The following GNPTAB variants were observed in gnomAD, a reference collection of about 807,000 sequenced individuals.
GNPTAB encodes N-acetylglucosamine-1-phosphate transferase subunits alpha and beta, also known as N-acetylglucosamine-1-phosphotransferase subunits alpha/beta.
Under a neutral mutation model 136.6 loss-of-function variants are expected in GNPTAB, and 92 were observed. The ratio of observed to expected loss-of-function variants is 0.67; its 90% CI spans 0.57 to 0.80. The LOEUF is 0.80. GNPTAB is among the 30% of genes least tolerant of loss of function. The pLI is 0.00. For synonymous variants in GNPTAB, 512 were observed against 535.1 expected (o/e 0.96, Z 0.60); for missense variants, 1,343 against 1,501.8 (o/e 0.89, Z 1.75).
intron 1 of GNPTAB, among the ~76,000 whole-genome samples, chr12:101,827,689 G>A (rs1342796166): frequency 6.6e-6 from 1 of 152,188 alleles, no homozygotes; most frequent in Non-Finnish European, 1.5e-5. Context: ...TGAGGGCCAG[G>A]CACAGTGGCT....
In GNPTAB at chr12:101,746,480, G is replaced by GA. The variant is rs1449292451; in HGVS notation, c.*683dup. 2 of 152,308 alleles carry GA rather than the reference G, an allele frequency of 1.3e-5. No homozygotes were observed. Among genetic ancestry groups the GA allele is most frequent in the Non-Finnish European group, 2.9e-5 (2 of 68,152 alleles). The allele number at this position is 152,308 out of a possible 1,614,324, so 9.4% of individuals were successfully genotyped here. A position where few individuals can be genotyped will look rare whatever the true frequency, so the allele number is the denominator to read the frequency against. ...GCCCTTTGAAATTAGACCTGCACGTGAAATCATAGCATTCTTAGGGGCTGA... is the reference window on the plus strand; with the variant it reads ...GCCCTTTGAAATTAGACCTGCACGTGAAAATCATAGCATTCTTAGGGGCTGA... On this transcript the variant is annotated 3_prime_UTR_variant, in exon 21 of 21. Transcript: ENST00000299314.
intron 1 of GNPTAB, among the ~76,000 whole-genome samples, chr12:101,828,266 G>C (rs1431049193): frequency 6.6e-6 from 1 of 152,094 alleles, no homozygotes; most frequent in Non-Finnish European, 1.5e-5. Flanking sequence ...AGGTAATCTG[G>C]CCTCCATTTC....
intron 4 of GNPTAB, 74 bp from the exon 5 acceptor site, chr12:101,786,291 C>G (rs1048279580): frequency 8.2e-7 from 1 of 1,218,678 alleles, no homozygotes; most frequent in African/African-American, 1.5e-5. Flanking sequence ...TGTCATACTA[C>G]TAAATTTTTC....
chr12:101,753,064 C>T (rs1952843471), intron 19 of GNPTAB, among the ~76,000 whole-genome samples: 1 of 151,996 alleles, frequency 6.6e-6, no homozygotes, highest in Non-Finnish European at 1.5e-5. Flanking sequence ...ACCAGCCTGG[C>T]TAACATGGTG....
chr12:101,785,410 G>T (rs1369582728), intron 5 of GNPTAB, among the ~76,000 whole-genome samples: 1 of 152,134 alleles, frequency 6.6e-6, no homozygotes, highest in Non-Finnish European at 1.5e-5. Context: ...GGTAGAGACA[G>T]GTTCCCACTA....
Position 101,745,949 on chromosome 12 carries a change from T to C in GNPTAB, c.*1215A>G, listed in dbSNP as rs1422765817. On this transcript the variant is annotated 3_prime_UTR_variant, in exon 21 of 21. Coordinates refer to ENST00000299314, the MANE Select transcript of GNPTAB (RefSeq NM_024312.5). The stretch of plus-strand genomic sequence containing the variant: ...ACTCAGAAGGCTGAGACAGAACTGC[T>C]TGAACCCGGGAGGCGGAGGTTGCAG... 1.3e-5 allele frequency: 2 copies of C among 152,326 alleles called. No homozygotes were observed. Among genetic ancestry groups the C allele is most frequent in the African/African-American group, 4.8e-5 (2 of 41,440 alleles). 9.4% of individuals were successfully genotyped at this position (152,326 alleles called of 1,614,324 possible). A position where few individuals can be genotyped will look rare whatever the true frequency, so the allele number is the denominator to read the frequency against.
At chr12:101,757,539 A>C in intron 17 of GNPTAB, 33 bp downstream of exon 17, 1 of 1,036,364 alleles carries the variant, frequency 9.6e-7, no homozygotes. Context: ...TTACTCTTAT[A>C]CTAAACAAAG....
Position 101,770,678 on chromosome 12 carries a change from G to A in GNPTAB, c.934-93C>T, listed in dbSNP as rs1291023891. The A allele has an allele frequency of 4.4e-6, 4 of 908,370 alleles. No homozygotes were observed. In the African/African-American group the frequency reaches 6.6e-5, roughly 15 times the overall value. 56.3% of individuals were successfully genotyped at this position (908,370 alleles called of 1,614,324 possible). A position where few individuals can be genotyped will look rare whatever the true frequency, so the allele number is the denominator to read the frequency against. On this transcript the variant is annotated intron_variant, in intron 8 of 20. Transcript: ENST00000299314. ...TTTCCTTCTGCCCGTCTGCTCTCAA[G>A]GTGCTCTGGCAGACTTTTAAAGATG...
chr12:101,824,432 A>ATATATATATATTT (rs1188582277), intron 1 of GNPTAB, among the ~76,000 whole-genome samples: 7 of 50,864 alleles, frequency 1.4e-4, no homozygotes, highest in South Asian at 6.7e-4. Flanking sequence ...ATATATATAT[A>ATATATATATATTT]TTTTCTTTTT....
chr12:101,808,142 T>C (rs368975853), intron 1 of GNPTAB, among the ~76,000 whole-genome samples: 1 of 152,212 alleles, frequency 6.6e-6, no homozygotes, highest in African/African-American at 2.4e-5. Context: ...TGAAATTCCA[T>C]GTTCACAGAC....
chr12:101,779,937 C>A (rs943295622), intron 7 of GNPTAB: 6 of 587,416 alleles, frequency 1.0e-5, no homozygotes, highest in South Asian at 1.0e-4. Flanking sequence ...ACAAATGAGT[C>A]CTTCTCTATC....
chr12:101,761,877 G>A (rs1953003191), intron 13 of GNPTAB, 114 bp from the exon 14 acceptor site: 1 of 804,684 alleles, frequency 1.2e-6, no homozygotes, highest in South Asian at 1.4e-5. Context: ...TTCATTAGGA[G>A]CAAATGAAAT....
chr12:101,830,728 C>A lies in GNPTAB; in HGVS notation c.-53G>T, dbSNP rs1311721261. On this transcript the variant is annotated 5_prime_UTR_variant, in exon 1 of 21. Coordinates refer to ENST00000299314, the MANE Select transcript of GNPTAB (RefSeq NM_024312.5). Reference sequence around the variant, plus strand: ...GAGGAGCCTGAGCCGCCGCCGCCGCCGCCGCCGCCTCAGCGAGCCGCCATT... The same window carrying A: ...GAGGAGCCTGAGCCGCCGCCGCCGCAGCCGCCGCCTCAGCGAGCCGCCATT... 8 of 1,151,364 alleles carry A rather than the reference C, an allele frequency of 6.9e-6. No individual in the cohort carries two copies. Among genetic ancestry groups the A allele is most frequent in the South Asian group, 1.3e-5 (1 of 77,290 alleles). 71.3% of individuals were successfully genotyped at this position (1,151,364 alleles called of 1,614,324 possible). A position where few individuals can be genotyped will look rare whatever the true frequency, so the allele number is the denominator to read the frequency against.
intron 7 of GNPTAB, chr12:101,779,159 T>C (rs771161196): frequency 6.6e-6 from 1 of 152,148 alleles, no homozygotes; most frequent in Non-Finnish European, 1.5e-5. Context: ...TCCATCTTCA[T>C]CCTTTCACCC....
chr12:101,756,526 T>A, intron 18 of GNPTAB: 1 of 369,434 alleles, frequency 2.7e-6, no homozygotes, highest in Admixed American at 3.4e-5. Flanking sequence ...GTGAGCCATG[T>A]TTGCATTACT....
At chr12:101,816,362 T>C (rs1045400645) in intron 1 of GNPTAB, among the ~76,000 whole-genome samples, 1 of 152,152 alleles carries the variant, frequency 6.6e-6, no homozygotes, top group African/African-American at 2.4e-5. Flanking sequence ...AAAACCCAAA[T>C]AATCTGATTT....
At chr12:101,828,263 C>A (rs1871202072) in intron 1 of GNPTAB, among the ~76,000 whole-genome samples, 1 of 152,168 alleles carries the variant, frequency 6.6e-6, no homozygotes, top group Non-Finnish European at 1.5e-5. Context: ...GGAAGGTAAT[C>A]TGGCCTCCAT....
chr12:101,827,808 T>C lies in GNPTAB; in HGVS notation c.117+2751A>G, dbSNP rs570025924. Among the ~76,000 whole-genome samples, 9 of 152,122 alleles carry C rather than the reference T, an allele frequency of 5.9e-5. No homozygotes were observed. The East Asian group carries it at 1.5e-3, about 26-fold the overall frequency. On this transcript the variant is annotated intron_variant, in intron 1 of 20. Transcript: ENST00000299314. ...GGTGAAACCCTGTCTCTACTAAAAA[T>C]ACAAAAACTTAGTCTAGCGTGATGG...
intron 2 of GNPTAB, among the ~76,000 whole-genome samples, chr12:101,790,503 C>T (rs931427533): frequency 3.3e-5 from 5 of 152,304 alleles, no homozygotes; most frequent in East Asian, 1.9e-4. Context: ...CAGTGGCTCA[C>T]GCCTATAACC....
Sources: gnomAD v4.1 joint callset for allele counts (sites outside exome capture counted in the v4.1 genomes callset) on GRCh38, gnomAD v4.1.1 for gene constraint, MANE v1.5 for transcripts, NCBI Gene and HGNC (gene_info 2026-07-23, HGNC 2026-07-21) for gene names.